Variants in SH3RF3 observed in about 807,000 individuals in gnomAD.
The protein encoded by SH3RF3 is E3 ubiquitin-protein ligase SH3RF3.
A neutral mutation model predicts 66.3 loss-of-function variants in SH3RF3; 29 were observed. That is an observed-to-expected ratio of 0.44 (90% confidence interval 0.33 to 0.60). The LOEUF (loss-of-function observed/expected upper bound fraction) is 0.60. SH3RF3 is among the 20% of genes least tolerant of loss of function. SH3RF3 has a pLI of 0.04. For missense variants in SH3RF3, 1,194 were observed against 1,190.9 expected (o/e 1.00, Z -0.04); for synonymous variants, 583 against 532.0 (o/e 1.10, Z -1.32).
At position 109,501,622 on chromosome 2, in the gene SH3RF3, G is replaced by A. The variant is rs1161977320; in HGVS notation, c.2600G>A (p.Arg867Gln). 3.9e-6 allele frequency: 3 copies of A among 778,138 alleles called. No individual in the cohort carries two copies. The highest frequency in any genetic ancestry group is 2.4e-5 in the East Asian group (1 of 41,120). The allele number at this position is 778,138 out of a possible 1,614,324, so 48.2% of individuals were successfully genotyped here. Residue 867 changes from arginine to glutamine, a missense_variant, in exon 10 of 10, where the codon CGG (arginine) becomes CAG (glutamine). By Grantham distance (43) the Arg-to-Gln change is conservative (BLOSUM62 1). Transcript: ENST00000309415. ...GGCTGGTACAAGGGGACCCTGCAGCGGAACGGCCGCACAGGCCTCTTCCCG... is the reference window on the plus strand; with the variant it reads ...GGCTGGTACAAGGGGACCCTGCAGCAGAACGGCCGCACAGGCCTCTTCCCG... ...EDGWYKGTLQ[R>Q]NGRTGLFPGS...
At chr2:109,307,234 C>CA (rs1362755558) in intron 1 of SH3RF3, among the ~76,000 whole-genome samples, 82 of 152,252 alleles carry the variant, frequency 5.4e-4, no homozygotes, top group African/African-American at 1.9e-3. Flanking sequence ...TACCTTTTTG[C>CA]ACATTGGACT....
At chr2:109,233,325 A>G (rs1679565132) in intron 1 of SH3RF3, among the ~76,000 whole-genome samples, 1 of 152,126 alleles carries the variant, frequency 6.6e-6, no homozygotes, top group Non-Finnish European at 1.5e-5. Context: ...GGGACCTGGA[A>G]AGGGGAGAGA....
chr2:109,133,278 A>G (rs1192079610), intron 1 of SH3RF3, among the ~76,000 whole-genome samples: 1 of 152,200 alleles, frequency 6.6e-6, no homozygotes, highest in Non-Finnish European at 1.5e-5. Context: ...GTTTATCTGT[A>G]TTTTGTATCT....
chr2:109,188,724 T>C (rs971649475), intron 1 of SH3RF3, among the ~76,000 whole-genome samples: 2 of 152,154 alleles, frequency 1.3e-5, no homozygotes, highest in Admixed American at 1.3e-4. Flanking sequence ...GTGCTTGCCG[T>C]CAGTGTGTGC....
At chr2:109,158,540 A>G (rs889197369) in intron 1 of SH3RF3, among the ~76,000 whole-genome samples, 1 of 152,192 alleles carries the variant, frequency 6.6e-6, no homozygotes, top group Non-Finnish European at 1.5e-5. Flanking sequence ...TGTCATGTCC[A>G]GAGGCGCTCA....
chr2:109,190,281 C>T (rs532795267), intron 1 of SH3RF3, among the ~76,000 whole-genome samples: 1 of 152,092 alleles, frequency 6.6e-6, no homozygotes, highest in Non-Finnish European at 1.5e-5. Flanking sequence ...TCAAGTGATT[C>T]TTCTGCCTCA....
chr2:109,328,918 G>A (rs1006549391), intron 1 of SH3RF3, among the ~76,000 whole-genome samples: 9 of 152,168 alleles, frequency 5.9e-5, no homozygotes, highest in African/African-American at 1.9e-4. Context: ...GAGAGCTGAG[G>A]CTTCCCTGGG....
intron 1 of SH3RF3, among the ~76,000 whole-genome samples, chr2:109,318,193 A>C (rs1681931648): frequency 1.3e-5 from 2 of 152,058 alleles, no homozygotes; most frequent in Admixed American, 1.3e-4. Flanking sequence ...GCAAAACATA[A>C]GCATTTGGCA....
intron 3 of SH3RF3, among the ~76,000 whole-genome samples, chr2:109,379,002 C>T (rs1000215196): frequency 6.6e-6 from 1 of 152,216 alleles, no homozygotes; most frequent in African/African-American, 2.4e-5. Context: ...GCCACTGTGG[C>T]TCCCCAGATC....
At chr2:109,166,419 G>A (rs1677624248) in intron 1 of SH3RF3, among the ~76,000 whole-genome samples, 2 of 148,452 alleles carry the variant, frequency 1.3e-5, no homozygotes, top group East Asian at 2.0e-4. Context: ...GGAGGTTGTG[G>A]TGAGCTGAGA....
At chr2:109,451,348 C>G (rs1677861139) in intron 8 of SH3RF3, among the ~76,000 whole-genome samples, 1 of 152,196 alleles carries the variant, frequency 6.6e-6, no homozygotes, top group African/African-American at 2.4e-5. Flanking sequence ...CAGTCCTACC[C>G]TCTCACTTAA....
chr2:109,322,292 T>C (rs2105462313), intron 1 of SH3RF3, among the ~76,000 whole-genome samples: 1 of 152,088 alleles, frequency 6.6e-6, no homozygotes, highest in South Asian at 2.1e-4. Flanking sequence ...ATCCAGATCC[T>C]GCTCTGTAAA....
intron 1 of SH3RF3, among the ~76,000 whole-genome samples, chr2:109,284,296 A>G (rs556249700): frequency 6.6e-6 from 1 of 152,336 alleles, no homozygotes; most frequent in African/African-American, 2.4e-5. Context: ...AGTAGCCATG[A>G]GTATTACTGA....
intron 8 of SH3RF3, among the ~76,000 whole-genome samples, chr2:109,483,235 CA>C (rs1281677638): frequency 6.6e-6 from 1 of 152,188 alleles, no homozygotes; most frequent in Non-Finnish European, 1.5e-5. Context: ...AAATAATAAT[CA>C]AAAAACTTCC....
At chr2:109,472,338 C>G (rs1046660326) in intron 8 of SH3RF3, among the ~76,000 whole-genome samples, 1 of 152,042 alleles carries the variant, frequency 6.6e-6, no homozygotes, top group Non-Finnish European at 1.5e-5. Flanking sequence ...CCTGCACTCT[C>G]GGTGGTCTCG....
chr2:109,455,982 A>T (rs1033092054), intron 8 of SH3RF3, among the ~76,000 whole-genome samples: 1 of 152,354 alleles, frequency 6.6e-6, no homozygotes, highest in Middle Eastern at 3.4e-3. Context: ...ACCATCATGC[A>T]GGTCTTAGGG....
At chr2:109,278,010 CAAAA>C (rs58675048) in intron 1 of SH3RF3, among the ~76,000 whole-genome samples, 3 of 81,324 alleles carry the variant, frequency 3.7e-5, no homozygotes, top group African/African-American at 1.6e-4. Flanking sequence ...CTGTCTCTAA[CAAAA>C]AAAAAAAAAA....
At chr2:109,360,592 T>A (rs1262791463) in intron 2 of SH3RF3, among the ~76,000 whole-genome samples, 1 of 152,214 alleles carries the variant, frequency 6.6e-6, no homozygotes, top group Non-Finnish European at 1.5e-5. Flanking sequence ...CCAAAACACT[T>A]TTGGTCTCAA....
intron 3 of SH3RF3, among the ~76,000 whole-genome samples, chr2:109,392,001 A>G (rs1449475624): frequency 6.6e-6 from 1 of 152,058 alleles, no homozygotes; most frequent in Non-Finnish European, 1.5e-5. Flanking sequence ...TTTTTTACAG[A>G]GACTGGGTCT....
Sources: allele counts gnomAD v4.1 joint callset (sites outside exome capture counted in the v4.1 genomes callset), GRCh38; gene constraint gnomAD v4.1.1; transcripts MANE v1.5; gene names NCBI Gene and HGNC (gene_info 2026-07-23, HGNC 2026-07-21).